KCNQ5: variants seen among roughly 807,000 people sequenced by gnomAD.
KCNQ5 encodes the protein potassium voltage-gated channel subfamily Q member 5.
In KCNQ5, 30 loss-of-function variants were observed where a neutral mutation model predicts 98.2. The ratio of observed to expected loss-of-function variants is 0.31; its 90% CI spans 0.23 to 0.41. The LOEUF is 0.41. KCNQ5 is among the 10% of genes least tolerant of loss of function. The pLI, the probability that KCNQ5 is intolerant of heterozygous loss-of-function variation, is 1.00. For missense variants in KCNQ5, 835 were observed against 1,182.5 expected, an observed-to-expected ratio of 0.71 and a Z score of 4.31; for synonymous variants, 458 against 449.4, an observed-to-expected ratio of 1.02 and a Z score of -0.24.
rs544629149 is a variant in KCNQ5, at chr6:72,771,886, G to A, written c.398+149299G>A. ...AACTAGAGGATGCAATCTATGGTTG[G>A]GTTATTTACGTATAGGGAACAAGGA... is the stretch of plus-strand genomic sequence containing the variant. On this transcript the variant is annotated intron_variant, in intron 1 of 13. Transcript: ENST00000370398. Among the ~76,000 whole-genome samples the A allele has an allele frequency of 1.4e-4, 22 of 152,042 alleles. 1 individual carries two copies. Among genetic ancestry groups the A allele is most frequent in the African/African-American group, 5.1e-4 (21 of 41,482 alleles).
intron 2 of KCNQ5, among the ~76,000 whole-genome samples, chr6:73,028,679 T>G (rs540155808): frequency 6.6e-6 from 1 of 152,258 alleles, no homozygotes; most frequent in Non-Finnish European, 1.5e-5. Context: ...AGACTCTTAG[T>G]TCTGAATAGA....
intron 9 of KCNQ5, chr6:73,125,582 A>G (rs181551103): frequency 7.8e-5 from 21 of 269,048 alleles, no homozygotes; most frequent in Middle Eastern, 6.2e-4. Context: ...TAGTACTATT[A>G]TAATAATTAT....
chr6:73,172,685 G>A (rs1322964631), intron 11 of KCNQ5, among the ~76,000 whole-genome samples: 1 of 152,102 alleles, frequency 6.6e-6, no homozygotes, highest in African/African-American at 2.4e-5. Context: ...GTATGTATAT[G>A]TATATTACAG....
intron 1 of KCNQ5, among the ~76,000 whole-genome samples, chr6:72,685,740 C>A (rs1371353229): frequency 6.6e-6 from 1 of 152,130 alleles, no homozygotes; most frequent in Non-Finnish European, 1.5e-5. Context: ...TATTGTCTAT[C>A]ATATTTCAAG....
At chr6:72,791,489 G>A (rs1414056005) in intron 1 of KCNQ5, among the ~76,000 whole-genome samples, 4 of 152,070 alleles carry the variant, frequency 2.6e-5, no homozygotes, top group African/African-American at 9.7e-5. Flanking sequence ...TTCCAGAAAG[G>A]TACATTACAT....
At chr6:72,744,815 A>G (rs1329442882) in intron 1 of KCNQ5, among the ~76,000 whole-genome samples, 4 of 152,058 alleles carry the variant, frequency 2.6e-5, no homozygotes, top group Non-Finnish European at 1.5e-5. Context: ...GTCTAAAAAA[A>G]AAAAGAAAAA....
chr6:73,018,883 C>T (rs1167479893), intron 2 of KCNQ5, among the ~76,000 whole-genome samples: 1 of 152,080 alleles, frequency 6.6e-6, no homozygotes, highest in East Asian at 1.9e-4. Context: ...TCTGAATGCA[C>T]CAAGCTTGAA....
intron 1 of KCNQ5, among the ~76,000 whole-genome samples, chr6:72,892,467 T>C (rs1368205856): frequency 6.6e-6 from 1 of 152,206 alleles, no homozygotes; most frequent in East Asian, 1.9e-4. Flanking sequence ...CAGATCCCTC[T>C]AGCAAACTAT....
intron 1 of KCNQ5, among the ~76,000 whole-genome samples, chr6:72,624,229 A>G (rs1191507638): frequency 1.3e-5 from 2 of 152,214 alleles, no homozygotes; most frequent in Non-Finnish European, 2.9e-5. Context: ...CTCTGACCTG[A>G]TATGTAATTA....
chr6:73,132,779 C>T (rs1378821363), intron 9 of KCNQ5, among the ~76,000 whole-genome samples: 1 of 152,184 alleles, frequency 6.6e-6, no homozygotes, highest in East Asian at 1.9e-4. Context: ...TCAGTCATCA[C>T]ATTCATTATC....
intron 1 of KCNQ5, among the ~76,000 whole-genome samples, chr6:72,645,736 T>C (rs1043696217): frequency 6.6e-6 from 1 of 152,058 alleles, no homozygotes; most frequent in Non-Finnish European, 1.5e-5. Context: ...GAGCATTCAG[T>C]TGTGGTTTGT....
At chr6:72,758,616 AG>A (rs1300389996) in intron 1 of KCNQ5, among the ~76,000 whole-genome samples, 2 of 152,148 alleles carry the variant, frequency 1.3e-5, no homozygotes, top group Admixed American at 1.3e-4. Flanking sequence ...TGATACTCTC[AG>A]CTGCCAACTA....
chr6:72,664,597 A>T (rs944107435), intron 1 of KCNQ5, among the ~76,000 whole-genome samples: 1 of 152,008 alleles, frequency 6.6e-6, no homozygotes, highest in African/African-American at 2.4e-5. Context: ...AGAGCTTGCA[A>T]TGAGCTGAGA....
intron 1 of KCNQ5, among the ~76,000 whole-genome samples, chr6:72,875,253 G>T (rs1778364137): frequency 6.6e-6 from 1 of 152,146 alleles, no homozygotes; most frequent in Admixed American, 6.5e-5. Context: ...GAATCTCTCA[G>T]ATGCATCATT....
At chr6:73,054,676 CACTGAAGGAACAT>C (rs1772387032) in intron 3 of KCNQ5, among the ~76,000 whole-genome samples, 1 of 152,116 alleles carries the variant, frequency 6.6e-6, no homozygotes, top group African/African-American at 2.4e-5. Context: ...ACAAACTAGG[CACTGAAGGAACAT>C]ACTTCAAAAT....
intron 1 of KCNQ5, among the ~76,000 whole-genome samples, chr6:72,782,263 T>A (rs541609684): frequency 6.6e-6 from 1 of 151,834 alleles, no homozygotes; most frequent in East Asian, 1.9e-4. Context: ...TCTCTCTCTC[T>A]CTCCCACAAG....
At chr6:72,930,772 A>G (rs1327382798) in intron 1 of KCNQ5, among the ~76,000 whole-genome samples, 1 of 152,182 alleles carries the variant, frequency 6.6e-6, no homozygotes, top group East Asian at 1.9e-4. Context: ...AACTTAACAA[A>G]TGTTCGCACC....
chr6:73,028,299 A>G (rs764015772), intron 2 of KCNQ5, among the ~76,000 whole-genome samples: 1 of 152,134 alleles, frequency 6.6e-6, no homozygotes, highest in Non-Finnish European at 1.5e-5. Flanking sequence ...GTGTGAGAGC[A>G]TTTCCTCCCT....
At chr6:72,809,551 C>CAA (rs5877335) in intron 1 of KCNQ5, among the ~76,000 whole-genome samples, 1 of 131,034 alleles carries the variant, frequency 7.6e-6, no homozygotes, top group Non-Finnish European at 1.7e-5. Flanking sequence ...GACTCCGTCT[C>CAA]AAAAAAAAAA....
Sources: allele counts gnomAD v4.1 joint callset (sites outside exome capture counted in the v4.1 genomes callset), GRCh38; gene constraint gnomAD v4.1.1; transcripts MANE v1.5; gene names NCBI Gene and HGNC (gene_info 2026-07-23, HGNC 2026-07-21).